Variants in CNOT1 observed in about 807,000 individuals in gnomAD.
CNOT1 encodes the protein CCR4-associated factor 1.
CNOT1 carries 15 observed loss-of-function variants against 273.8 expected under a neutral mutation model. The observed-to-expected ratio is 0.05, with a 90% CI of 0.04 to 0.08. The LOEUF (loss-of-function observed/expected upper bound fraction) is 0.08. Among genes scored for constraint, CNOT1 ranks in the 10% least tolerant of loss-of-function variants. The probability of loss-of-function intolerance (pLI) is 1.00; values close to 1 mark genes in which losing one functional copy is unlikely to be tolerated. For missense variants in CNOT1, 1,644 were observed against 2,912.2 expected, an observed-to-expected ratio of 0.56 and a Z score of 10.02; for synonymous variants, 1,022 against 1,005.5, an observed-to-expected ratio of 1.02 and a Z score of -0.31.
chr16:58,558,493 C>T lies in CNOT1; in HGVS notation c.2312G>A (p.Gly771Glu). Residue 771 changes from glycine (G) to glutamate (E), a missense_variant, in exon 18 of 49, where the codon GGA (glycine) becomes GAA (glutamate). By Grantham distance (98) the Gly-to-Glu change is moderately conservative. This residue lies in a region of CNOT1 where 706 missense variants were observed against 1,021.2 expected (regional missense o/e 0.69). Coordinates refer to ENST00000317147, the MANE Select transcript of CNOT1 (RefSeq NM_016284.5). ...CTTACCTGGAAGCTGTGATGAAAGT[C>T]CTCCAATACCACTGAATGCAGTGGT... ...NQTTAFSGIG[G>E]LSSQLPVGGL... 1 of 1,613,894 alleles carries T rather than the reference C, an allele frequency of 6.2e-7. No individual in the cohort carries two copies. The highest frequency in any genetic ancestry group is 8.5e-7 in the Non-Finnish European group (1 of 1,179,942).
At position 58,521,045 on chromosome 16, in the gene CNOT1, T is replaced by G. The variant is rs1216862337; in HGVS notation, c.7053-9A>C. 1.2e-6 allele frequency: 2 copies of G among 1,614,006 alleles called. No individual in the cohort carries two copies. The highest frequency in any genetic ancestry group is 2.7e-5 in the African/African-American group (2 of 74,936). On this transcript the variant is annotated splice_polypyrimidine_tract_variant and intron_variant, in intron 48 of 48. Coordinates refer to ENST00000317147, the MANE Select transcript of CNOT1 (RefSeq NM_016284.5). The stretch of plus-strand genomic sequence containing the variant: ...CGACCGACTGGAATAACCTGAAGGA[T>G]GAAGACAGTTACAAATCTCTGATTA...
intron 16 of CNOT1, among the ~76,000 whole-genome samples, chr16:58,563,141 C>T (rs1395233188): frequency 6.6e-6 from 1 of 152,184 alleles, no homozygotes; most frequent in East Asian, 1.9e-4. Context: ...AAAATACAGT[C>T]CCATACCACA....
In CNOT1 at chr16:58,587,355, T is replaced by C. The variant is rs761103261; in HGVS notation, c.368A>G (p.Lys123Arg). The C allele has an allele frequency of 5.0e-6, 8 of 1,614,028 alleles. No individual in the cohort carries two copies. In the East Asian group the frequency reaches 6.7e-5, roughly 13 times the overall value. Reference sequence around the variant, plus strand: ...TCATAAATCACTCACCTCTTGTACTTTGCTTAATTTGAGCACTTTACTCAG... The same window carrying C: ...TCATAAATCACTCACCTCTTGTACTCTGCTTAATTTGAGCACTTTACTCAG... ...AQLSKVLKLS[K>R]VQEVIFGLAL... The change falls in exon 5 of 49, where the codon AAA (lysine) becomes AGA (arginine). Residue 123 changes from lysine to arginine, a missense_variant. Physicochemically the swap from Lys to Arg is conservative, Grantham distance 26. Coordinates refer to ENST00000317147, the MANE Select transcript of CNOT1 (RefSeq NM_016284.5).
In CNOT1 at chr16:58,601,734, T is replaced by TAAAAAAAAAA. The variant is rs66711143; in HGVS notation, c.-174-2233_-174-2224dup. Reference sequence around the variant, plus strand: ...ATATGCTAGTGCTCCATACCCACCTTAAAAAAAAAAAAAAAAAAAAGCCTG... The same window carrying TAAAAAAAAAA: ...ATATGCTAGTGCTCCATACCCACCTTAAAAAAAAAAAAAAAAAAAAAAAAAAAAAAGCCTG... On this transcript the variant is annotated intron_variant, in intron 1 of 48. Coordinates refer to ENST00000317147, the MANE Select transcript of CNOT1 (RefSeq NM_016284.5). Among the ~76,000 whole-genome samples the TAAAAAAAAAA allele has an allele frequency of 1.2e-3, 109 of 91,506 alleles. 17 individuals carry two copies. Among genetic ancestry groups the TAAAAAAAAAA allele is most frequent in the Middle Eastern group, 0.014 (2 of 140 alleles). The allele number at this position is 91,506 out of a possible 152,430, so 60.0% of individuals were successfully genotyped here. A position where few individuals can be genotyped will look rare whatever the true frequency, so the allele number is the denominator to read the frequency against.
intron 17 of CNOT1, 90 bp downstream of exon 17, chr16:58,560,122 T>C: frequency 6.5e-7 from 1 of 1,543,848 alleles, no homozygotes; most frequent in Non-Finnish European, 8.7e-7. Context: ...TAAAATGTAA[T>C]AAATTCAGAC....
intron 18 of CNOT1, among the ~76,000 whole-genome samples, chr16:58,558,192 C>A (rs1216779864): frequency 1.3e-5 from 2 of 152,104 alleles, no homozygotes; most frequent in Non-Finnish European, 2.9e-5. Flanking sequence ...GAATGTGATG[C>A]ACATACATGT....
intron 2 of CNOT1, among the ~76,000 whole-genome samples, chr16:58,598,477 G>A (rs368190333): frequency 5.3e-5 from 8 of 151,312 alleles, no homozygotes; most frequent in South Asian, 2.1e-4. Context: ...GCTGAGGCAC[G>A]AGAATCACTT....
At chr16:58,606,585 C>T (rs1478487211) in intron 1 of CNOT1, among the ~76,000 whole-genome samples, 1 of 152,064 alleles carries the variant, frequency 6.6e-6, no homozygotes, top group Non-Finnish European at 1.5e-5. Flanking sequence ...GGAGGATCAC[C>T]TGAGGTCAGG....
At chr16:58,559,717 C>T (rs1231937827) in intron 17 of CNOT1, 3 of 443,118 alleles carry the variant, frequency 6.8e-6, no homozygotes, top group African/African-American at 6.0e-5. Flanking sequence ...ACCCAATCTG[C>T]CATTCAATGC....
At chr16:58,589,737 T>C (rs988079691) in intron 2 of CNOT1, among the ~76,000 whole-genome samples, 1 of 152,170 alleles carries the variant, frequency 6.6e-6, no homozygotes, top group Non-Finnish European at 1.5e-5. Flanking sequence ...GGCACAGCCT[T>C]AAATGAAGCT....
At chr16:58,625,028 G>A (rs374520957) in intron 1 of CNOT1, among the ~76,000 whole-genome samples, 2 of 151,552 alleles carry the variant, frequency 1.3e-5, no homozygotes, top group Non-Finnish European at 2.9e-5. Context: ...TGGACAGATC[G>A]CTTGAGCCCA....
intron 13 of CNOT1, among the ~76,000 whole-genome samples, chr16:58,578,461 A>AG (rs1440951667): frequency 6.6e-6 from 1 of 151,680 alleles, no homozygotes; most frequent in East Asian, 1.9e-4. Flanking sequence ...TCAAAAAAAA[A>AG]AAAAAAAGGA....
intron 39 of CNOT1, among the ~76,000 whole-genome samples, 176 bp from the exon 40 acceptor site, chr16:58,534,571 A>G (rs1854780693): frequency 6.6e-6 from 1 of 152,236 alleles, no homozygotes. Flanking sequence ...GTGCCATGAC[A>G]GAATTCCTCC....
chr16:58,553,969 G>A, intron 21 of CNOT1, 109 bp from the exon 22 acceptor site: 2 of 1,334,644 alleles, frequency 1.5e-6, no homozygotes, highest in South Asian at 2.2e-5. Flanking sequence ...TCTTACCTAT[G>A]AATAACTTAT....
At chr16:58,556,034 A>G in intron 19 of CNOT1, 126 bp from the exon 20 acceptor site, 2 of 1,470,736 alleles carry the variant, frequency 1.4e-6, no homozygotes, top group Non-Finnish European at 1.8e-6. Flanking sequence ...TGGAAAAGGT[A>G]TTAAGCGGTC....
Position 58,530,307 on chromosome 16 carries a change from T to A in CNOT1, c.6218A>T (p.Lys2073Ile). ...ATTTCTAAGGAAAGGCGCTAAATAT[T>A]TGAATAAATCAATCAGTAGCTGTGC... is the stretch of plus-strand genomic sequence containing the variant. ...MYAQLLIDLFKYLAPFLRNVE... is the reference protein window; with the variant it reads ...MYAQLLIDLFIYLAPFLRNVE... Residue 2073 changes from lysine to isoleucine, a missense_variant, in exon 43 of 49, where the codon AAA (lysine) becomes ATA (isoleucine). Around this residue, in one of 13 missense-constraint regions of CNOT1, gnomAD observed 25 missense variants for 31.2 expected, o/e 0.80. Coordinates refer to ENST00000317147, the MANE Select transcript of CNOT1 (RefSeq NM_016284.5). 6.2e-7 allele frequency: 1 copy of A among 1,612,282 alleles called. No homozygotes were observed. Among genetic ancestry groups the A allele is most frequent in the Non-Finnish European group, 8.5e-7 (1 of 1,178,792 alleles).
chr16:58,528,191 C>G (rs1417202334), intron 44 of CNOT1: 9 of 527,434 alleles, frequency 1.7e-5, no homozygotes, highest in African/African-American at 5.7e-5. Context: ...AATGACTGCC[C>G]CAACACCTAA....
chr16:58,542,775 T>C (rs1313362372), intron 31 of CNOT1, among the ~76,000 whole-genome samples: 1 of 152,108 alleles, frequency 6.6e-6, no homozygotes, highest in Non-Finnish European at 1.5e-5. Context: ...ACCTTATCAG[T>C]TTATTGTGAA....
chr16:58,537,859 T>G, intron 38 of CNOT1, 32 bp downstream of exon 38: 6 of 1,611,506 alleles, frequency 3.7e-6, no homozygotes, highest in East Asian at 2.2e-5. Context: ...GACTACTAAA[T>G]GCACAGGGAT....
Sources: gnomAD v4.1 joint callset for allele counts (sites outside exome capture counted in the v4.1 genomes callset) on GRCh38, gnomAD v4.1.1 for gene constraint, gnomAD v4.1.1 regional missense constraint, MANE v1.5 for transcripts, NCBI Gene and HGNC (gene_info 2026-07-23, HGNC 2026-07-21) for gene names.